ATP13A2: variants seen among roughly 807,000 people sequenced by gnomAD.
ATP13A2 encodes the protein polyamine-transporting ATPase 13A2.
ATP13A2 carries 83 observed loss-of-function variants against 138.3 expected under a neutral mutation model. The observed-to-expected ratio is 0.60, with a 90% CI of 0.50 to 0.72. The LOEUF (loss-of-function observed/expected upper bound fraction) is 0.72. ATP13A2 is among the 30% of genes least tolerant of loss of function. The pLI is 0.00. For synonymous variants in ATP13A2, 663 were observed against 699.0 expected (o/e 0.95, Z 0.81); for missense variants, 1,402 against 1,606.4 (o/e 0.87, Z 2.17).
chr1:16,992,633 G>A, intron 16 of ATP13A2, 52 bp from the exon 17 acceptor site: 1 of 1,583,726 alleles, frequency 6.3e-7, no homozygotes. Flanking sequence ...CTCACAGAGA[G>A]ATTTGAGCTA....
At position 17,005,764 on chromosome 1, in the gene ATP13A2, C is replaced by A; in HGVS notation, c.25G>T (p.Val9Leu). 6.2e-7 allele frequency: 1 copy of A among 1,611,508 alleles called. No homozygotes were observed. Among genetic ancestry groups the A allele is most frequent in the Non-Finnish European group, 8.5e-7 (1 of 1,178,880 alleles). Reference protein sequence around the residue: MSADSSPLVGSTPTGYGTL... With the variant: MSADSSPLLGSTPTGYGTL... The stretch of plus-strand genomic sequence containing the variant: ...CCATAACCGGTGGGCGTGCTGCCCA[C>A]GAGAGGGCTGCTGTCTGTGGACAGA... The change falls in exon 2 of 29, where the codon GTG becomes TTG. Residue 9 changes from valine to leucine, a missense_variant. Physicochemically the swap from Val to Leu is conservative, Grantham distance 32. Transcript: ENST00000326735.
Position 17,011,007 on chromosome 1 carries a change from C to CG in ATP13A2, c.10+721dup, listed in dbSNP as rs1015358744. On this transcript the variant is annotated intron_variant, in intron 1 of 28. Coordinates refer to ENST00000326735, the MANE Select transcript of ATP13A2 (RefSeq NM_022089.4). This position sits in a 1 kb window ranked among gnomAD's most constrained non-coding sequence, Gnocchi z 7.3. ...TTCCTCATTCCTTCCCCTCCCTCGC[C>CG]GGGGGGTGCACTCTAGGCTGTGGGG... is the stretch of plus-strand genomic sequence containing the variant. Among the ~76,000 whole-genome samples the CG allele has an allele frequency of 4.6e-5, 7 of 152,060 alleles. No individual in the cohort carries two copies. Among genetic ancestry groups the CG allele is most frequent in the Non-Finnish European group, 8.8e-5 (6 of 68,004 alleles).
Position 17,005,420 on chromosome 1 carries a change from T to A in ATP13A2, c.242A>T (p.Asn81Ile). 1 of 1,612,954 alleles carries A rather than the reference T, an allele frequency of 6.2e-7. No homozygotes were observed. The highest frequency in any genetic ancestry group is 8.5e-7 in the Non-Finnish European group (1 of 1,179,508). ...AACGAGTGTTTCGGCGTGGGCCAGG[T>A]TGCAGGGCCGGAGCCGCAGCCGCAC... ...WGVRLRLRPC[N>I]LAHAETLVIE... Residue 81 changes from asparagine to isoleucine, a missense_variant, in exon 3 of 29, where the codon AAC becomes ATC. Coordinates refer to ENST00000326735, the MANE Select transcript of ATP13A2 (RefSeq NM_022089.4).
At chr1:17,000,194 G>GA in intron 10 of ATP13A2, 52 bp from the exon 11 acceptor site, 18 of 1,570,116 alleles carry the variant, frequency 1.1e-5, no homozygotes, top group Admixed American at 5.2e-5. Context: ...CCCCAGCCAT[G>GA]CCCCCCCACC....
intron 20 of ATP13A2, 108 bp downstream of exon 20, chr1:16,991,626 G>A (rs929706565): frequency 6.5e-7 from 1 of 1,540,666 alleles, no homozygotes. Context: ...CTGGCCTGAA[G>A]CAAGGGCCCA....
At position 16,997,036 on chromosome 1, in the gene ATP13A2, T is replaced by G. The variant is rs2077153622; in HGVS notation, c.1179A>C (p.Ala393=). ...ARAYVGPHVL[A]VVTRTGFCTA... is the part of the protein sequence containing the mutation. ...GGCTCATACCTGTGCGGGTCACCAC[T>G]GCCAGGACGTGCGGTCCCACATAGG... The change falls in exon 12 of 29, where the codon GCA becomes GCC. Residue 393 remains alanine (A), a synonymous_variant. Transcript: ENST00000326735. 6.2e-7 allele frequency: 1 copy of G among 1,612,418 alleles called. No individual in the cohort carries two copies. Among genetic ancestry groups the G allele is most frequent in the Non-Finnish European group, 8.5e-7 (1 of 1,179,974 alleles).
chr1:17,000,925 G>A (rs896673151), intron 8 of ATP13A2: 4 of 207,434 alleles, frequency 1.9e-5, no homozygotes, highest in Non-Finnish European at 3.9e-5. Context: ...CTGAGTGACA[G>A]AGGGAGACCC....
intron 1 of ATP13A2, among the ~76,000 whole-genome samples, chr1:17,009,387 CTTTTTTTTTTTT>C (rs1161920218): frequency 3.4e-5 from 4 of 116,502 alleles, no homozygotes; most frequent in Admixed American, 2.0e-4. Flanking sequence ...GAGCCTCTTC[CTTTTTTTTTTTT>C]TTTTTTTTTT....
intron 1 of ATP13A2, among the ~76,000 whole-genome samples, chr1:17,006,579 G>A (rs911243427): frequency 6.6e-5 from 10 of 152,000 alleles, no homozygotes; most frequent in African/African-American, 2.2e-4. Flanking sequence ...TGCGTGTGTC[G>A]GTCTTTCTGC....
rs1041877858 is a variant in ATP13A2 at position 17,004,180 on chromosome 1, A to G, written c.557+152T>C. ...TGCCCTATTTATAGACAGAGATCCCAGGCCTGGAGGGGCTCAGTAACCTGC... is the reference window on the plus strand; with the variant it reads ...TGCCCTATTTATAGACAGAGATCCCGGGCCTGGAGGGGCTCAGTAACCTGC... On this transcript the variant is annotated intron_variant, in intron 6 of 28. Transcript: ENST00000326735. This position sits in a 1 kb window ranked among gnomAD's most constrained non-coding sequence, Gnocchi z 4.1. 8 of 767,910 alleles carry G rather than the reference A, an allele frequency of 1.0e-5. No homozygotes were observed. The highest frequency in any genetic ancestry group is 2.0e-5 in the Admixed American group (1 of 49,404). 47.6% of individuals were successfully genotyped at this position (767,910 alleles called of 1,614,324 possible). A position where few individuals can be genotyped will look rare whatever the true frequency, so the allele number is the denominator to read the frequency against.
rs1332285157 is a variant in ATP13A2 at position 17,002,025 on chromosome 1, C to T, written c.705+9G>A. On this transcript the variant is annotated intron_variant, in intron 8 of 28. Coordinates refer to ENST00000326735, the MANE Select transcript of ATP13A2 (RefSeq NM_022089.4). ...GCAGGGCTGGGGCAAGACCCAGGGA[C>T]AGCCCTACCTCGTCCACCAGCAGCT... The T allele has an allele frequency of 1.2e-6, 2 of 1,606,630 alleles. No homozygotes were observed. Among genetic ancestry groups the T allele is most frequent in the Non-Finnish European group, 1.7e-6 (2 of 1,175,512 alleles).
intron 12 of ATP13A2, 136 bp from the exon 13 acceptor site, chr1:16,996,632 T>A: frequency 4.1e-6 from 3 of 725,788 alleles, no homozygotes; most frequent in South Asian, 3.3e-5. Flanking sequence ...CAGTGTGGAG[T>A]CCTAACAGGT....
Position 16,986,785 on chromosome 1 carries a change from G to A in ATP13A2, c.3235+20C>T, listed in dbSNP as rs376475762. On this transcript the variant is annotated intron_variant, in intron 27 of 28. Transcript: ENST00000326735. The surrounding 1 kb of genome is among the most constrained non-coding windows in gnomAD (Gnocchi z 6.9). The stretch of plus-strand genomic sequence containing the variant: ...CTCCCTCCCTCCGCCAGCATCTCCC[G>A]CCCGCGCCCGCAGTGGCACCATTGG... 134 of 1,608,602 alleles carry A rather than the reference G, an allele frequency of 8.3e-5. No individual in the cohort carries two copies. The African/African-American group carries it at 1.0e-3, about 12-fold the overall frequency.
chr1:17,000,692 A>AC, intron 8 of ATP13A2, 158 bp from the exon 9 acceptor site: 1 of 938,882 alleles, frequency 1.1e-6, no homozygotes, highest in Non-Finnish European at 1.6e-6. Context: ...ACCCAACCAG[A>AC]CATCCCCAGG....
rs773521014 is a variant in ATP13A2 at position 16,987,036 on chromosome 1, C to T, written c.3083+10G>A. The T allele has an allele frequency of 1.2e-6, 2 of 1,613,334 alleles. No homozygotes were observed. Among genetic ancestry groups the T allele is most frequent in the South Asian group, 2.2e-5 (2 of 91,074 alleles). Reference sequence around the variant, plus strand: ...GCGGGATGGGGGTGGTCAGTCAGCTCCCTACTCACCATGGCTGGGCCAGGG... The same window carrying T: ...GCGGGATGGGGGTGGTCAGTCAGCTTCCTACTCACCATGGCTGGGCCAGGG... On this transcript the variant is annotated intron_variant, in intron 26 of 28. Transcript: ENST00000326735.
intron 11 of ATP13A2, among the ~76,000 whole-genome samples, chr1:16,998,895 GCA>G (rs1339753093): frequency 6.6e-6 from 1 of 152,102 alleles, no homozygotes; most frequent in Non-Finnish European, 1.5e-5. Flanking sequence ...CAGCCCATGT[GCA>G]CACACGTAAT....
At position 17,004,671 on chromosome 1, in the gene ATP13A2, A is replaced by G. The variant is rs374020852; in HGVS notation, c.477+21T>C. 124 of 1,613,852 alleles carry G rather than the reference A, an allele frequency of 7.7e-5. No individual in the cohort carries two copies. Among genetic ancestry groups the G allele is most frequent in the Non-Finnish European group, 9.7e-5 (115 of 1,180,028 alleles). On this transcript the variant is annotated intron_variant, in intron 5 of 28. Coordinates refer to ENST00000326735, the MANE Select transcript of ATP13A2 (RefSeq NM_022089.4). The surrounding 1 kb of genome is among the most constrained non-coding windows in gnomAD (Gnocchi z 4.1). ...ATGAAACCGAGGCCGAGAGAGGGGC[A>G]AGGACTTTTTCAGAACCCACCTGTC...
intron 8 of ATP13A2, among the ~76,000 whole-genome samples, chr1:17,001,106 G>T (rs980905362): frequency 6.6e-5 from 10 of 152,014 alleles, no homozygotes; most frequent in African/African-American, 1.9e-4. Context: ...ATGGACAGGT[G>T]AAGCCACTGG....
intron 8 of ATP13A2, 75 bp from the exon 9 acceptor site, chr1:17,000,609 C>A: frequency 6.4e-7 from 1 of 1,558,120 alleles, no homozygotes; most frequent in African/African-American, 1.4e-5. Flanking sequence ...GTCTCCTGTG[C>A]CCATGGGAGC....
Sources: allele counts gnomAD v4.1 joint callset (sites outside exome capture counted in the v4.1 genomes callset), GRCh38; gene constraint gnomAD v4.1.1; non-coding constraint Gnocchi (gnomAD v3.1); transcripts MANE v1.5; gene names NCBI Gene and HGNC (gene_info 2026-07-23, HGNC 2026-07-21).